The following SEMA4D variants were observed in gnomAD, a reference collection of about 807,000 sequenced individuals.
SEMA4D encodes semaphorin-4D.
A neutral mutation model predicts 74.8 loss-of-function variants in SEMA4D; 22 were observed. The ratio of observed to expected loss-of-function variants is 0.29; its 90% CI spans 0.21 to 0.42. The LOEUF is 0.42. SEMA4D is among the 10% of genes least tolerant of loss of function. The pLI, the probability that SEMA4D is intolerant of heterozygous loss-of-function variation, is 1.00. For missense variants in SEMA4D, 937 were observed against 1,118.4 expected (o/e 0.84, Z 2.31); for synonymous variants, 445 against 463.7 (o/e 0.96, Z 0.52).
At chr9:89,400,148 A>C (rs1255493353) in intron 4 of SEMA4D, among the ~76,000 whole-genome samples, 3 of 152,150 alleles carry the variant, frequency 2.0e-5, no homozygotes, top group African/African-American at 4.8e-5. Context: ...TGATGAACTA[A>C]CACCACCAGC....
chr9:89,459,827 T>C (rs1248609713), intron 1 of SEMA4D, among the ~76,000 whole-genome samples: 3 of 152,184 alleles, frequency 2.0e-5, no homozygotes, highest in Non-Finnish European at 2.9e-5. Context: ...TGAGGGCCCA[T>C]GTGGCTAACA....
At chr9:89,458,244 C>T (rs1471772236) in intron 1 of SEMA4D, among the ~76,000 whole-genome samples, 3 of 152,130 alleles carry the variant, frequency 2.0e-5, no homozygotes, top group African/African-American at 7.2e-5. Context: ...ACAGGTTTTT[C>T]GTGCTGTGGA....
At chr9:89,364,435 A>AGG in intron 16 of SEMA4D, 1 of 225,942 alleles carries the variant, frequency 4.4e-6, no homozygotes. Flanking sequence ...GGGGACCATG[A>AGG]GGGCCTGTCT....
At chr9:89,419,908 C>G (rs974323897) in intron 2 of SEMA4D, among the ~76,000 whole-genome samples, 2 of 152,030 alleles carry the variant, frequency 1.3e-5, no homozygotes, top group Non-Finnish European at 2.9e-5. Context: ...CAGAAAAAGA[C>G]TCCGTCTCAA....
intron 1 of SEMA4D, among the ~76,000 whole-genome samples, chr9:89,483,873 A>C (rs1824927298): frequency 6.6e-6 from 1 of 152,260 alleles, no homozygotes; most frequent in African/African-American, 2.4e-5. Context: ...GTAATAAAAA[A>C]TGTTTTAGCA....
At chr9:89,445,616 G>C (rs766752766) in intron 2 of SEMA4D, among the ~76,000 whole-genome samples, 10 of 152,184 alleles carry the variant, frequency 6.6e-5, no homozygotes, top group Admixed American at 5.9e-4. Context: ...CACAGGGAGA[G>C]AGAGAGATTT....
chr9:89,447,897 C>T (rs1387122715), intron 2 of SEMA4D, among the ~76,000 whole-genome samples: 2 of 152,222 alleles, frequency 1.3e-5, no homozygotes, highest in South Asian at 2.1e-4. Flanking sequence ...ACAGGCATGG[C>T]GCCAGCCTTG....
chr9:89,379,017 T>C lies in SEMA4D; in HGVS notation c.2276A>G (p.Tyr759Cys). Residue 759 changes from tyrosine (Y) to cysteine (C), a missense_variant, in exon 16 of 16, where the codon TAC becomes TGC. Physicochemically the swap from Tyr to Cys is radical, Grantham distance 194. Coordinates refer to ENST00000422704, the MANE Select transcript of SEMA4D (RefSeq NM_001371194.2). ...CLFFYNCYKGYLPRQCLKFRS... is the reference protein window; with the variant it reads ...CLFFYNCYKGCLPRQCLKFRS... Reference sequence around the variant, plus strand: ...GAATTTCAAGCACTGTCTGGGCAGGTATCCCTTATAGCAGTTGTAGAAAAA... The same window carrying C: ...GAATTTCAAGCACTGTCTGGGCAGGCATCCCTTATAGCAGTTGTAGAAAAA... The C allele has an allele frequency of 6.2e-7, 1 of 1,611,850 alleles. No individual in the cohort carries two copies. Among genetic ancestry groups the C allele is most frequent in the Non-Finnish European group, 8.5e-7 (1 of 1,178,800 alleles).
At chr9:89,462,954 G>A (rs111770273) in intron 1 of SEMA4D, among the ~76,000 whole-genome samples, 1 of 9,494 alleles carries the variant, frequency 1.1e-4, no homozygotes, top group Non-Finnish European at 1.8e-4. Context: ...AAGAAAGGAG[G>A]GGGGAGCGAG....
intron 2 of SEMA4D, among the ~76,000 whole-genome samples, chr9:89,428,373 G>C (rs1238772442): frequency 1.3e-5 from 2 of 152,236 alleles, no homozygotes; most frequent in Non-Finnish European, 2.9e-5. Context: ...GGAAGGACGA[G>C]GGCAAGACCC....
intron 2 of SEMA4D, among the ~76,000 whole-genome samples, chr9:89,441,885 C>T (rs1851746884): frequency 6.6e-6 from 1 of 152,226 alleles, no homozygotes; most frequent in Admixed American, 6.5e-5. Flanking sequence ...GGACAGAGGG[C>T]TAGAGGCTGG....
At chr9:89,379,777 C>T (rs372847508) in intron 15 of SEMA4D, 148 bp from the exon 16 acceptor site, 57 of 1,000,494 alleles carry the variant, frequency 5.7e-5, no homozygotes, top group African/African-American at 5.4e-4. Flanking sequence ...TAAAGACATG[C>T]GTGACCAAAA....
chr9:89,480,586 T>A (rs1052272468), intron 1 of SEMA4D, among the ~76,000 whole-genome samples: 1 of 152,168 alleles, frequency 6.6e-6, no homozygotes, highest in Non-Finnish European at 1.5e-5. Flanking sequence ...CAAGGCCCGG[T>A]GAGAAATCGA....
chr9:89,449,942 T>A, intron 2 of SEMA4D: 2 of 1,501,748 alleles, frequency 1.3e-6, no homozygotes, highest in Non-Finnish European at 1.8e-6. Context: ...TTCTGACTGA[T>A]GTAGCTCAGG....
In SEMA4D at chr9:89,444,239, C is replaced by G. The variant is rs563952715; in HGVS notation, c.-244+11649G>C. Among the ~76,000 whole-genome samples, 3 of 152,316 alleles carry G rather than the reference C, an allele frequency of 2.0e-5. No homozygotes were observed. In the East Asian group the frequency reaches 5.8e-4, roughly 29 times the overall value. ...CCTCCCCACCTCCATGGCCTCCTCC[C>G]TGGCTGCCCCTCTAGCACAGCTACA... is the stretch of plus-strand genomic sequence containing the variant. On this transcript the variant is annotated intron_variant, in intron 2 of 15. Transcript: ENST00000422704.
At position 89,406,201 on chromosome 9, in the gene SEMA4D, G is replaced by A. The variant is rs549513243; in HGVS notation, c.-243-502C>T. 2.5e-3 allele frequency among the ~76,000 whole-genome samples: 382 copies of A among 152,228 alleles called. 1 individual carries two copies. The highest frequency in any genetic ancestry group is 3.8e-3 in the Non-Finnish European group (261 of 68,008). On this transcript the variant is annotated intron_variant, in intron 2 of 15. Coordinates refer to ENST00000422704, the MANE Select transcript of SEMA4D (RefSeq NM_001371194.2). ...ACACATGCACACACACAACATATGC[G>A]CACACATATGTACACACACACATGC...
intron 2 of SEMA4D, among the ~76,000 whole-genome samples, chr9:89,431,851 C>A (rs978529012): frequency 5.3e-5 from 8 of 152,178 alleles, no homozygotes; most frequent in African/African-American, 1.9e-4. Context: ...GGCCCTAAAG[C>A]CCCCAGAGCA....
chr9:89,396,621 G>C, intron 6 of SEMA4D, 116 bp downstream of exon 6: 1 of 897,690 alleles, frequency 1.1e-6, no homozygotes, highest in Non-Finnish European at 1.7e-6. Flanking sequence ...AGCTGGCTCT[G>C]AGAAAATCCT....
chr9:89,487,245 A>T (rs1211205840), intron 1 of SEMA4D, among the ~76,000 whole-genome samples: 6 of 151,668 alleles, frequency 4.0e-5, no homozygotes. Context: ...TTCAAAAGTT[A>T]ACCAGTGTAA....
Sources: allele counts gnomAD v4.1 joint callset (sites outside exome capture counted in the v4.1 genomes callset), GRCh38; gene constraint gnomAD v4.1.1; transcripts MANE v1.5; gene names NCBI Gene and HGNC (gene_info 2026-07-23, HGNC 2026-07-21).